Variants in WWOX observed in about 807,000 individuals in gnomAD.
The protein encoded by WWOX is WW domain-containing oxidoreductase.
WWOX carries 69 observed loss-of-function variants against 46.2 expected under a neutral mutation model. The ratio of observed to expected loss-of-function variants is 1.49; its 90% CI spans 1.23 to 1.82. The LOEUF (loss-of-function observed/expected upper bound fraction) is 1.82. Among genes scored for constraint, WWOX ranks in the 40% most tolerant of loss-of-function variants. WWOX has a pLI of 0.00. For missense variants in WWOX, 919 were observed against 542.6 expected (o/e 1.69, Z -6.89); for synonymous variants, 359 against 202.6 (o/e 1.77, Z -6.56).
chr16:78,959,537 A>G (rs969999542), intron 8 of WWOX, among the ~76,000 whole-genome samples: 1 of 152,192 alleles, frequency 6.6e-6, no homozygotes. Flanking sequence ...CTGTTCATCC[A>G]TTCATCTGTC....
intron 8 of WWOX, among the ~76,000 whole-genome samples, chr16:79,152,065 C>A (rs12934230): frequency 6.6e-6 from 1 of 151,746 alleles, no homozygotes; most frequent in Non-Finnish European, 1.5e-5. Flanking sequence ...CTTACCATAT[C>A]CCTTGTTAAA....
chr16:78,264,677 T>A (rs1443110252), intron 5 of WWOX: 1 of 152,168 alleles, frequency 6.6e-6, no homozygotes, highest in East Asian at 1.9e-4. Context: ...ACGGGCAGGG[T>A]CTATACATGT....
At chr16:79,060,475 C>A (rs972379986) in intron 8 of WWOX, among the ~76,000 whole-genome samples, 4 of 152,178 alleles carry the variant, frequency 2.6e-5, no homozygotes, top group African/African-American at 9.6e-5. Context: ...ATGCTTTGTG[C>A]AGACTGAATT....
chr16:78,101,584 G>T, intron 1 of WWOX, among the ~76,000 whole-genome samples: 1 of 152,074 alleles, frequency 6.6e-6, no homozygotes, highest in African/African-American at 2.4e-5. Context: ...GCCCCCCAAA[G>T]TGTTGGCATT....
intron 8 of WWOX, among the ~76,000 whole-genome samples, chr16:79,093,001 A>G (rs1468960518): frequency 6.6e-6 from 1 of 152,192 alleles, no homozygotes; most frequent in Non-Finnish European, 1.5e-5. Context: ...TCACCATTAT[A>G]TTCAATAGCA....
intron 8 of WWOX, among the ~76,000 whole-genome samples, chr16:78,575,044 T>TATATATATATATATATAA (rs2044831986): frequency 1.5e-4 from 1 of 6,768 alleles, no homozygotes. Flanking sequence ...TATATATATA[T>TATATATATATATATATAA]ATATATATAT....
At chr16:78,619,943 C>T (rs1225780171) in intron 8 of WWOX, among the ~76,000 whole-genome samples, 2 of 152,038 alleles carry the variant, frequency 1.3e-5, no homozygotes, top group African/African-American at 2.4e-5. Flanking sequence ...AGTAACAGAA[C>T]CATAGGCCTT....
At chr16:78,721,412 A>G (rs960597934) in intron 8 of WWOX, among the ~76,000 whole-genome samples, 3 of 152,182 alleles carry the variant, frequency 2.0e-5, no homozygotes, top group South Asian at 2.1e-4. Context: ...TTCTTATTGT[A>G]TGAACATATT....
intron 5 of WWOX, among the ~76,000 whole-genome samples, chr16:78,295,439 T>G (rs570161409): frequency 2.0e-5 from 3 of 152,256 alleles, no homozygotes; most frequent in African/African-American, 7.2e-5. Flanking sequence ...AGGCCAGGTG[T>G]GGTGGCTCAC....
intron 8 of WWOX, among the ~76,000 whole-genome samples, chr16:78,824,530 C>T (rs1160875619): frequency 2.0e-5 from 3 of 152,116 alleles, no homozygotes; most frequent in Non-Finnish European, 4.4e-5. Flanking sequence ...GATAAAGACA[C>T]ACCCGAGACT....
chr16:78,868,275 A>C (rs911706837), intron 8 of WWOX, among the ~76,000 whole-genome samples: 1 of 152,228 alleles, frequency 6.6e-6, no homozygotes, highest in African/African-American at 2.4e-5. Flanking sequence ...GAAGCCGGTC[A>C]TAAAAGACCA....
chr16:78,517,855 A>ATTTTTTTTTTTTTT (rs11342538), intron 8 of WWOX, among the ~76,000 whole-genome samples: 1 of 86,390 alleles, frequency 1.2e-5, no homozygotes, highest in Non-Finnish European at 2.3e-5. Context: ...TACACAACCT[A>ATTTTTTTTTTTTTT]TTTTTTTTTT....
intron 4 of WWOX, among the ~76,000 whole-genome samples, chr16:78,154,862 T>C (rs2034544559): frequency 6.6e-6 from 1 of 152,186 alleles, no homozygotes; most frequent in South Asian, 2.1e-4. Context: ...GGGTGTTTTG[T>C]GGTAAGGCTT....
chr16:79,003,283 C>T (rs781197838), intron 8 of WWOX, among the ~76,000 whole-genome samples: 1 of 152,136 alleles, frequency 6.6e-6, no homozygotes, highest in African/African-American at 2.4e-5. Flanking sequence ...GAAAGGCAAT[C>T]AAAGTCTATT....
In WWOX at chr16:78,513,894, T is replaced by TCC. The variant is rs34101872; in HGVS notation, c.1056+81153_1056+81154dup. Reference sequence around the variant, plus strand: ...TCTAAATTTATATTACAGTTCCCACTCCCCCCCCCCCCACTTGTATCACTT... The same window carrying TCC: ...TCTAAATTTATATTACAGTTCCCACTCCCCCCCCCCCCCCACTTGTATCACTT... On this transcript the variant is annotated intron_variant, in intron 8 of 8. Transcript: ENST00000566780. Among the ~76,000 whole-genome samples the TCC allele has an allele frequency of 2.4e-3, 276 of 116,264 alleles. 5 individuals carry two copies. The highest frequency in any genetic ancestry group is 9.0e-3 in the South Asian group (28 of 3,116). The allele number at this position is 116,264 out of a possible 152,430, so 76.3% of individuals were successfully genotyped here. A position where few individuals can be genotyped will look rare whatever the true frequency, so the allele number is the denominator to read the frequency against.
At chr16:79,103,191 C>G (rs1376407370) in intron 8 of WWOX, among the ~76,000 whole-genome samples, 1 of 152,222 alleles carries the variant, frequency 6.6e-6, no homozygotes, top group African/African-American at 2.4e-5. Context: ...AGCCATTAGC[C>G]AAGGCCTTGA....
At chr16:78,461,725 A>G (rs370904557) in intron 8 of WWOX, among the ~76,000 whole-genome samples, 4 of 152,220 alleles carry the variant, frequency 2.6e-5, no homozygotes, top group African/African-American at 9.7e-5. Flanking sequence ...GACATGCCCT[A>G]TGAATTATAC....
At chr16:79,064,183 A>C (rs1350210207) in intron 8 of WWOX, among the ~76,000 whole-genome samples, 1 of 152,222 alleles carries the variant, frequency 6.6e-6, no homozygotes, top group Non-Finnish European at 1.5e-5. Flanking sequence ...GCAATTTGTA[A>C]TATTGTTGTA....
At chr16:78,922,338 A>T (rs1341726398) in intron 8 of WWOX, among the ~76,000 whole-genome samples, 40 of 151,994 alleles carry the variant, frequency 2.6e-4, no homozygotes, top group Admixed American at 2.6e-3. Context: ...AAGCAAACAA[A>T]GACTCTTTTT....
Sources: allele counts gnomAD v4.1 joint callset (sites outside exome capture counted in the v4.1 genomes callset), GRCh38; gene constraint gnomAD v4.1.1; transcripts MANE v1.5; gene names NCBI Gene and HGNC (gene_info 2026-07-23, HGNC 2026-07-21).